The following SLCO2A1 variants were observed in gnomAD, a reference collection of about 807,000 sequenced individuals.
SLCO2A1 encodes the protein solute carrier organic anion transporter family member 2A1, also known as matrin F/G 1.
SLCO2A1 carries 60 observed loss-of-function variants against 71.7 expected under a neutral mutation model. The ratio of observed to expected loss-of-function variants is 0.84; its 90% CI spans 0.68 to 1.04. The LOEUF (loss-of-function observed/expected upper bound fraction) is 1.04, where lower values mean the gene tolerates loss of function less well. Ranked by LOEUF, SLCO2A1 falls within the 50% of genes least tolerant of loss-of-function variation. SLCO2A1 has a pLI of 0.00. For missense variants in SLCO2A1, 745 were observed against 813.4 expected (o/e 0.92, Z 1.02); for synonymous variants, 308 against 326.7 (o/e 0.94, Z 0.62).
intron 2 of SLCO2A1, among the ~76,000 whole-genome samples, chr3:133,978,183 T>C (rs764052502): frequency 1.9e-4 from 29 of 152,276 alleles, no homozygotes; most frequent in Non-Finnish European, 1.2e-4. Context: ...AGGTTGAGAC[T>C]GGCTGGAGCA....
At chr3:133,992,709 C>A (rs1427421361) in intron 1 of SLCO2A1, among the ~76,000 whole-genome samples, 2 of 152,208 alleles carry the variant, frequency 1.3e-5, no homozygotes, top group African/African-American at 4.8e-5. Flanking sequence ...AGCATCTTGA[C>A]TTCAGAGGAA....
At chr3:134,007,506 T>C (rs1935245555) in intron 1 of SLCO2A1, among the ~76,000 whole-genome samples, 1 of 152,228 alleles carries the variant, frequency 6.6e-6, no homozygotes, top group Non-Finnish European at 1.5e-5. Flanking sequence ...GGGCATAAAG[T>C]AAGCATCACT....
At chr3:133,947,088 C>CACG (rs1187463577) in intron 9 of SLCO2A1, among the ~76,000 whole-genome samples, 168 bp downstream of exon 9, 1 of 151,382 alleles carries the variant, frequency 6.6e-6, no homozygotes, top group African/African-American at 2.4e-5. Context: ...GAGCCAAGAT[C>CACG]ACGCCACTGC....
intron 1 of SLCO2A1, among the ~76,000 whole-genome samples, chr3:134,013,448 C>T (rs559183741): frequency 3.9e-5 from 6 of 152,206 alleles, no homozygotes; most frequent in Non-Finnish European, 7.4e-5. Flanking sequence ...TGTCCCTTTG[C>T]CCCCCACCAA....
At chr3:134,004,426 G>A (rs770226877) in intron 1 of SLCO2A1, among the ~76,000 whole-genome samples, 8 of 152,056 alleles carry the variant, frequency 5.3e-5, no homozygotes, top group East Asian at 1.9e-4. Context: ...CCTCCGCCTC[G>A]CAGGTTCAGG....
chr3:134,007,641 G>A (rs1935247782), intron 1 of SLCO2A1, among the ~76,000 whole-genome samples: 2 of 152,128 alleles, frequency 1.3e-5, no homozygotes, highest in Admixed American at 1.3e-4. Context: ...TGACCCTGGA[G>A]TAGTGGGCAG....
intron 1 of SLCO2A1, among the ~76,000 whole-genome samples, chr3:134,018,956 T>C (rs1361470017): frequency 6.6e-6 from 1 of 152,108 alleles, no homozygotes; most frequent in Admixed American, 6.5e-5. Flanking sequence ...TGCCACATTC[T>C]GGAGATGAGA....
intron 1 of SLCO2A1, among the ~76,000 whole-genome samples, chr3:134,023,941 C>T (rs1349484791): frequency 6.6e-6 from 1 of 152,204 alleles, no homozygotes; most frequent in Admixed American, 6.5e-5. Flanking sequence ...AAGTCTGGCA[C>T]CCTGCGGGTC....
At chr3:134,010,953 T>C (rs752328933) in intron 1 of SLCO2A1, among the ~76,000 whole-genome samples, 4 of 152,166 alleles carry the variant, frequency 2.6e-5, no homozygotes, top group Admixed American at 6.5e-5. Context: ...ATATTTGTGA[T>C]TTTAAGGCAA....
chr3:133,983,777 G>A (rs574698529), intron 1 of SLCO2A1, among the ~76,000 whole-genome samples: 16 of 152,340 alleles, frequency 1.1e-4, no homozygotes, highest in South Asian at 2.1e-4. Flanking sequence ...ATGGCTGGTG[G>A]CAAGAGTAGC....
At chr3:134,004,639 G>A (rs1478863697) in intron 1 of SLCO2A1, among the ~76,000 whole-genome samples, 1 of 152,140 alleles carries the variant, frequency 6.6e-6, no homozygotes, top group African/African-American at 2.4e-5. Context: ...CAGCCACAAG[G>A]ATTCTTAAAA....
intron 1 of SLCO2A1, among the ~76,000 whole-genome samples, chr3:133,989,285 T>C (rs1934784551): frequency 6.6e-6 from 1 of 152,226 alleles, no homozygotes; most frequent in Non-Finnish European, 1.5e-5. Context: ...CTTTAATAAA[T>C]TCCTGTTTTC....
At chr3:133,989,699 T>C (rs1336970123) in intron 1 of SLCO2A1, among the ~76,000 whole-genome samples, 1 of 152,246 alleles carries the variant, frequency 6.6e-6, no homozygotes, top group Non-Finnish European at 1.5e-5. Context: ...GTACCGCAGG[T>C]TGGGAATAAC....
At chr3:133,978,044 G>T (rs925507025) in intron 2 of SLCO2A1, among the ~76,000 whole-genome samples, 1 of 152,124 alleles carries the variant, frequency 6.6e-6, no homozygotes, top group Non-Finnish European at 1.5e-5. Context: ...AGGCCAGCAG[G>T]GATGACTTAG....
chr3:133,971,519 GC>G (rs1934326116), intron 3 of SLCO2A1, among the ~76,000 whole-genome samples: 1 of 152,178 alleles, frequency 6.6e-6, no homozygotes, highest in Non-Finnish European at 1.5e-5. Context: ...CCCCATTCTT[GC>G]CCTATTCTTT....
chr3:133,986,544 G>A (rs1934717962), intron 1 of SLCO2A1, among the ~76,000 whole-genome samples: 1 of 152,188 alleles, frequency 6.6e-6, no homozygotes, highest in Non-Finnish European at 1.5e-5. Flanking sequence ...GCTTCTAACT[G>A]TCAAGGCCAT....
rs1933656153 is a variant in SLCO2A1 at position 133,948,810 on chromosome 3, A to C, written c.940+83T>G. On this transcript the variant is annotated intron_variant, in intron 7 of 13. Coordinates refer to ENST00000310926, the MANE Select transcript of SLCO2A1 (RefSeq NM_005630.3). Reference sequence around the variant, plus strand: ...CTCCTACTGTCCCTTACCGCACACAACACCACAGGGGCTGGGGTCCCCCTG... The same window carrying C: ...CTCCTACTGTCCCTTACCGCACACACCACCACAGGGGCTGGGGTCCCCCTG... 16 of 1,588,834 alleles carry C rather than the reference A, an allele frequency of 1.0e-5. No individual in the cohort carries two copies. In the South Asian group the frequency reaches 1.1e-4, roughly 11 times the overall value.
chr3:133,954,501 G>A (rs1403239500), intron 4 of SLCO2A1, among the ~76,000 whole-genome samples: 1 of 152,208 alleles, frequency 6.6e-6, no homozygotes, highest in Non-Finnish European at 1.5e-5. Context: ...GGGCATTCAC[G>A]TGGTCATCTG....
intron 1 of SLCO2A1, among the ~76,000 whole-genome samples, chr3:134,021,698 A>C (rs546048072): frequency 6.6e-6 from 1 of 152,272 alleles, no homozygotes; most frequent in East Asian, 1.9e-4. Flanking sequence ...AGGCAAAAGG[A>C]AAGTCAAAGA....
Sources: gnomAD v4.1 joint callset for allele counts (sites outside exome capture counted in the v4.1 genomes callset) on GRCh38, gnomAD v4.1.1 for gene constraint, MANE v1.5 for transcripts, NCBI Gene and HGNC (gene_info 2026-07-23, HGNC 2026-07-21) for gene names.